Variants in EGFLAM observed in about 807,000 individuals in gnomAD.
The protein encoded by EGFLAM is EGF like, fibronectin type III and laminin G domains, also known as pikachurin.
In EGFLAM, 79 loss-of-function variants were observed where a neutral mutation model predicts 113.1. That is an observed-to-expected ratio of 0.70 (90% confidence interval 0.58 to 0.84). The LOEUF (loss-of-function observed/expected upper bound fraction) is 0.84, where lower values mean the gene tolerates loss of function less well. Ranked by LOEUF, EGFLAM falls within the 40% of genes least tolerant of loss-of-function variation. The probability of loss-of-function intolerance (pLI) is 0.00; values close to 1 mark genes in which losing one functional copy is unlikely to be tolerated. For missense variants in EGFLAM, 1,265 were observed against 1,291.6 expected, an observed-to-expected ratio of 0.98 and a Z score of 0.32; for synonymous variants, 504 against 487.6, an observed-to-expected ratio of 1.03 and a Z score of -0.44.
intron 17 of EGFLAM, among the ~76,000 whole-genome samples, chr5:38,440,176 T>C (rs944685065): frequency 4.6e-5 from 7 of 152,138 alleles, no homozygotes; most frequent in South Asian, 2.1e-4. Flanking sequence ...CTGCAGGACA[T>C]TGGGGACTCT....
chr5:38,443,455 TG>T (rs1434107406), intron 17 of EGFLAM, among the ~76,000 whole-genome samples: 1 of 152,186 alleles, frequency 6.6e-6, no homozygotes, highest in Non-Finnish European at 1.5e-5. Flanking sequence ...TTAGTATAGA[TG>T]TTGCTCTTTA....
intron 1 of EGFLAM, among the ~76,000 whole-genome samples, chr5:38,312,237 T>C (rs1738463990): frequency 6.7e-6 from 1 of 150,212 alleles, no homozygotes; most frequent in Admixed American, 6.6e-5. Flanking sequence ...TCTCTCTGTA[T>C]CTCAGATTTT....
At position 38,352,211 on chromosome 5, in the gene EGFLAM, C is replaced by A. The variant is rs1347942206; in HGVS notation, c.425C>A (p.Pro142His). 6.2e-7 allele frequency: 1 copy of A among 1,614,160 alleles called. No individual in the cohort carries two copies. The highest frequency in any genetic ancestry group is 1.7e-5 in the Admixed American group (1 of 60,026). Residue 142 changes from proline (P) to histidine (H), a missense_variant, in exon 5 of 22, where the codon CCT becomes CAT. By Grantham distance (77) the Pro-to-His change is moderately conservative. Transcript: ENST00000322350. ...TCCCACCTAGATTCCTGCCTGCCTC[C>A]TGCAGCTCCCCAGCAGCCACATGTC... The part of the protein sequence containing the change: ...TTLSQDSCLP[P>H]AAPQQPHVIV...
chr5:38,358,873 T>A (rs1372346132), intron 5 of EGFLAM, among the ~76,000 whole-genome samples: 1 of 152,212 alleles, frequency 6.6e-6, no homozygotes, highest in African/African-American at 2.4e-5. Context: ...CTGTAACATA[T>A]TTTGCAGTGT....
At chr5:38,451,680 A>C (rs1049281986) in intron 19 of EGFLAM, 15 of 564,236 alleles carry the variant, frequency 2.7e-5, no homozygotes, top group Non-Finnish European at 4.1e-5. Context: ...CTGACCCACC[A>C]CTCTTTTTTG....
chr5:38,451,334 A>T lies in EGFLAM; in HGVS notation c.2563A>T (p.Asn855Tyr). The T allele has an allele frequency of 1.2e-6, 2 of 1,614,086 alleles. No individual in the cohort carries two copies. The highest frequency in any genetic ancestry group is 1.7e-6 in the Non-Finnish European group (2 of 1,179,932). The change falls in exon 19 of 22, where the codon AAT becomes TAT. Residue 855 changes from asparagine (N) to tyrosine (Y), a missense_variant. By Grantham distance (143) the Asn-to-Tyr change is moderately radical. Coordinates refer to ENST00000322350, the MANE Select transcript of EGFLAM (RefSeq NM_152403.4). ...ILKRVSGSRS[N>Y]VFMRFKTTAK... ...CTCCAGGGTGTCAGGATCAAGATCA[A>T]ATGTGTTCATGAGGTTTAAAACAAC...
At chr5:38,340,149 G>A (rs565982390) in intron 3 of EGFLAM, among the ~76,000 whole-genome samples, 3 of 152,278 alleles carry the variant, frequency 2.0e-5, no homozygotes, top group East Asian at 3.9e-4. Context: ...CTGAATATTG[G>A]CATCTCTCTG....
intron 1 of EGFLAM, among the ~76,000 whole-genome samples, chr5:38,324,644 C>T (rs1386807098): frequency 6.6e-6 from 1 of 151,896 alleles, no homozygotes; most frequent in Non-Finnish European, 1.5e-5. Flanking sequence ...GTGCTGCACT[C>T]AACTGCTTTA....
chr5:38,389,095 C>G (rs532032916), intron 6 of EGFLAM, among the ~76,000 whole-genome samples: 6 of 151,910 alleles, frequency 3.9e-5, no homozygotes, highest in Non-Finnish European at 8.8e-5. Flanking sequence ...TTTTGCATGG[C>G]TAGATTTTTA....
chr5:38,341,865 G>C (rs988130046), intron 3 of EGFLAM, among the ~76,000 whole-genome samples: 1 of 151,976 alleles, frequency 6.6e-6, no homozygotes, highest in African/African-American at 2.4e-5. Flanking sequence ...GCCCTTGGCT[G>C]TGCATGGCAA....
chr5:38,405,822 T>C (rs1468681584), intron 6 of EGFLAM, among the ~76,000 whole-genome samples: 1 of 152,222 alleles, frequency 6.6e-6, no homozygotes, highest in Non-Finnish European at 1.5e-5. Flanking sequence ...AAGTACCATA[T>C]GAGTCCTCAT....
At chr5:38,407,179 T>C in intron 8 of EGFLAM, 33 bp downstream of exon 8, 1 of 1,601,744 alleles carries the variant, frequency 6.2e-7, no homozygotes, top group Non-Finnish European at 8.5e-7. Context: ...GAAGTGGTGA[T>C]GAATTGGCAC....
At chr5:38,436,030 C>A (rs537034238) in intron 16 of EGFLAM, among the ~76,000 whole-genome samples, 113 of 152,088 alleles carry the variant, frequency 7.4e-4, no homozygotes, top group African/African-American at 2.4e-3. Flanking sequence ...GTTGGCCAGG[C>A]TGGTCTCGAA....
intron 10 of EGFLAM, among the ~76,000 whole-genome samples, chr5:38,409,817 C>T (rs1338023471): frequency 6.6e-6 from 1 of 152,178 alleles, no homozygotes; most frequent in Non-Finnish European, 1.5e-5. Flanking sequence ...CATCGTTTCT[C>T]CCCCAACACA....
chr5:38,448,241 T>A lies in EGFLAM; in HGVS notation c.2465-60T>A, dbSNP rs537161928. On this transcript the variant is annotated intron_variant, in intron 17 of 21. Transcript: ENST00000322350. ...GCTGGGTGTTTTCCTGCCATGTGTG[T>A]GAGTGCAGGGGTCAAGAGAACCACA... is the stretch of plus-strand genomic sequence containing the variant. The A allele has an allele frequency of 3.2e-6, 5 of 1,557,960 alleles. No homozygotes were observed. In the South Asian group the frequency reaches 5.6e-5, roughly 17 times the overall value.
chr5:38,445,721 G>A (rs1377054003), intron 17 of EGFLAM: 1 of 1,598,020 alleles, frequency 6.3e-7, no homozygotes, highest in Non-Finnish European at 8.5e-7. Context: ...AGTAAGTCCT[G>A]TGAGAAACTG....
At chr5:38,260,623 T>C (rs1183035667) in intron 1 of EGFLAM, among the ~76,000 whole-genome samples, 2 of 152,222 alleles carry the variant, frequency 1.3e-5, no homozygotes, top group Non-Finnish European at 2.9e-5. Context: ...CTTTGGCATA[T>C]TAATTACATC....
chr5:38,264,795 C>T (rs77217270), intron 1 of EGFLAM, among the ~76,000 whole-genome samples: 3 of 152,270 alleles, frequency 2.0e-5, no homozygotes, highest in Non-Finnish European at 2.9e-5. Flanking sequence ...TCACAAAAGC[C>T]GTGGGGCACT....
At chr5:38,307,226 T>A (rs1238289705) in intron 1 of EGFLAM, among the ~76,000 whole-genome samples, 1 of 152,252 alleles carries the variant, frequency 6.6e-6, no homozygotes, top group Non-Finnish European at 1.5e-5. Flanking sequence ...CTATTTTTAT[T>A]TGTCTATCTG....
Sources: gnomAD v4.1 joint callset for allele counts (sites outside exome capture counted in the v4.1 genomes callset) on GRCh38, gnomAD v4.1.1 for gene constraint, MANE v1.5 for transcripts, NCBI Gene and HGNC (gene_info 2026-07-23, HGNC 2026-07-21) for gene names.